Variants in TRIM34 observed in about 807,000 individuals in gnomAD.
TRIM34 encodes tripartite motif containing 34, also known as E3 ubiquitin-protein ligase TRIM34.
TRIM34 carries 41 observed loss-of-function variants against 38.1 expected under a neutral mutation model. The observed-to-expected ratio is 1.08, with a 90% CI of 0.84 to 1.40. TRIM34 has a LOEUF of 1.40. Among genes scored for constraint, TRIM34 ranks in the 40% most tolerant of loss-of-function variants. The pLI, the probability that TRIM34 is intolerant of heterozygous loss-of-function variation, is 0.00. For synonymous variants in TRIM34, 200 were observed against 202.5 expected (o/e 0.99, Z 0.10); for missense variants, 556 against 571.4 (o/e 0.97, Z 0.27).
At position 5,641,505 on chromosome 11, in the gene TRIM34, TG is replaced by T. The variant is rs573879964; in HGVS notation, c.773+318del. On this transcript the variant is annotated intron_variant, in intron 5 of 7. Coordinates refer to ENST00000429814, the MANE Select transcript of TRIM34 (RefSeq NM_021616.6). Reference sequence around the variant, plus strand: ...CATCCTCTGTCCCTGCATCCAGCCCTGGATCTTTTATTTTATATGTGTTTGT... The same window carrying T: ...CATCCTCTGTCCCTGCATCCAGCCCTGATCTTTTATTTTATATGTGTTTGT... 6.6e-5 allele frequency among the ~76,000 whole-genome samples: 10 copies of T among 152,320 alleles called. No individual in the cohort carries two copies. In the South Asian group the frequency reaches 2.1e-3, roughly 32 times the overall value.
At chr11:5,634,948 G>C (rs1025841655) in intron 4 of TRIM34, 87 bp downstream of exon 4, 57 of 1,450,692 alleles carry the variant, frequency 3.9e-5, no homozygotes, top group Non-Finnish European at 5.2e-5. Flanking sequence ...ACACTAAGGG[G>C]TTTCTTTGGC....
intron 7 of TRIM34, 119 bp from the exon 8 acceptor site, chr11:5,643,025 C>G: frequency 7.8e-7 from 1 of 1,287,826 alleles, no homozygotes; most frequent in Non-Finnish European, 1.0e-6. Flanking sequence ...AGTCACTTCC[C>G]AAGTTCGTTC....
chr11:5,636,957 T>C (rs143987469), intron 4 of TRIM34, among the ~76,000 whole-genome samples: 5,462 of 152,204 alleles, frequency 0.036, 194 homozygotes, highest in East Asian at 0.16. Flanking sequence ...TCATCCTGGC[T>C]AACACAGTGA....
intron 1 of TRIM34, among the ~76,000 whole-genome samples, chr11:5,629,111 T>C (rs1564882804): frequency 6.6e-6 from 1 of 152,156 alleles, no homozygotes; most frequent in Admixed American, 6.5e-5. Flanking sequence ...ACCCCGTCTC[T>C]ACTAAAAATC....
intron 1 of TRIM34, among the ~76,000 whole-genome samples, chr11:5,628,399 A>G (rs1849334150): frequency 6.6e-6 from 1 of 152,246 alleles, no homozygotes; most frequent in African/African-American, 2.4e-5. Context: ...ACTAGTCATC[A>G]GATCCTGGTC....
At chr11:5,636,701 T>TA in intron 4 of TRIM34, among the ~76,000 whole-genome samples, 1 of 152,300 alleles carries the variant, frequency 6.6e-6, no homozygotes, top group Non-Finnish European at 1.5e-5. Context: ...ACTTGGAATT[T>TA]AAAAAAATAT....
At position 5,633,573 on chromosome 11, in the gene TRIM34, G is replaced by C. The variant is rs112036487; in HGVS notation, c.424-231G>C. On this transcript the variant is annotated intron_variant, in intron 2 of 7. Coordinates refer to ENST00000429814, the MANE Select transcript of TRIM34 (RefSeq NM_021616.6). ...CTGCAGGGTAAATACTTACTCTAAG[G>C]AAAGACAGAATCAGGCTACTCCTTT... is the stretch of plus-strand genomic sequence containing the variant. Among the ~76,000 whole-genome samples, 777 of 152,272 alleles carry C rather than the reference G, an allele frequency of 5.1e-3. 7 individuals are homozygous for C. Among genetic ancestry groups the C allele is most frequent in the African/African-American group, 0.017 (721 of 41,558 alleles).
At chr11:5,641,402 G>A in intron 5 of TRIM34, 1 of 1,269,252 alleles carries the variant, frequency 7.9e-7, no homozygotes. Flanking sequence ...AGTGGTTGAA[G>A]TTCAGAGCTA....
At chr11:5,641,636 AG>A (rs1408515685) in intron 5 of TRIM34, among the ~76,000 whole-genome samples, 1 of 152,142 alleles carries the variant, frequency 6.6e-6, no homozygotes, top group Non-Finnish European at 1.5e-5. Context: ...TCATTATGCA[AG>A]GTTCTCTTTA....
chr11:5,643,244 T>C lies in TRIM34; in HGVS notation c.1002T>C (p.Tyr334=). The part of the protein sequence containing the change: ...ISVPIWPFQC[Y]NYGVLGSQYF... Reference sequence around the variant, plus strand: ...TGCCAATTTGGCCTTTTCAGTGTTATAATTATGGTGTCTTGGGATCCCAAT... The same window carrying C: ...TGCCAATTTGGCCTTTTCAGTGTTACAATTATGGTGTCTTGGGATCCCAAT... The change falls in exon 8 of 8, where the codon TAT becomes TAC. Residue 334 remains tyrosine, a synonymous_variant. Transcript: ENST00000429814. 1 of 1,614,030 alleles carries C rather than the reference T, an allele frequency of 6.2e-7. No individual in the cohort carries two copies. The highest frequency in any genetic ancestry group is 8.5e-7 in the Non-Finnish European group (1 of 1,180,000).
intron 4 of TRIM34, among the ~76,000 whole-genome samples, chr11:5,635,310 C>G (rs1021998068): frequency 2.1e-5 from 3 of 146,176 alleles, no homozygotes; most frequent in Non-Finnish European, 4.4e-5. Context: ...GGCTGGAGTG[C>G]AGTGGTGCGA....
At chr11:5,634,520 C>A in intron 3 of TRIM34, 111 bp from the exon 4 acceptor site, 2 of 636,304 alleles carry the variant, frequency 3.1e-6, no homozygotes, top group East Asian at 3.2e-5. Context: ...CACACACACA[C>A]ACACACACAC....
intron 4 of TRIM34, among the ~76,000 whole-genome samples, chr11:5,636,391 G>A (rs1849735500): frequency 6.6e-6 from 1 of 152,212 alleles, no homozygotes; most frequent in South Asian, 2.1e-4. Flanking sequence ...TTGCTAATTA[G>A]TGTACAATTT....
chr11:5,638,369 G>A (rs1406277795), intron 4 of TRIM34, among the ~76,000 whole-genome samples: 1 of 152,210 alleles, frequency 6.6e-6, no homozygotes, highest in Admixed American at 6.5e-5. Context: ...TGTGACTAAA[G>A]TAATACCTCT....
chr11:5,632,010 GA>G (rs1849502583), intron 1 of TRIM34, among the ~76,000 whole-genome samples: 1 of 152,132 alleles, frequency 6.6e-6, no homozygotes. Flanking sequence ...GGAGAAAGTT[GA>G]AAAAAGTATA....
At chr11:5,633,150 T>C (rs12221692) in intron 2 of TRIM34, among the ~76,000 whole-genome samples, 5,664 of 144,106 alleles carry the variant, frequency 0.039, 216 homozygotes, top group East Asian at 0.17. Context: ...TTCTTTCTTT[T>C]TTTTTTTTTT....
chr11:5,628,097 G>A (rs1849321319), intron 1 of TRIM34, among the ~76,000 whole-genome samples: 1 of 152,172 alleles, frequency 6.6e-6, no homozygotes, highest in Non-Finnish European at 1.5e-5. Flanking sequence ...AAGTGGTGGG[G>A]TCATTTCTCA....
intron 3 of TRIM34, 82 bp downstream of exon 3, chr11:5,633,981 T>C: frequency 6.8e-7 from 1 of 1,459,864 alleles, no homozygotes; most frequent in Non-Finnish European, 9.4e-7. Context: ...TTTTTATTCC[T>C]TGACATTGCA....
chr11:5,628,942 C>T (rs1246363287), intron 1 of TRIM34, among the ~76,000 whole-genome samples: 1 of 152,012 alleles, frequency 6.6e-6, no homozygotes, highest in African/African-American at 2.4e-5. Flanking sequence ...TGTCACATGG[C>T]TTTCTTTCCC....
Sources: gnomAD v4.1 joint callset for allele counts (sites outside exome capture counted in the v4.1 genomes callset) on GRCh38, gnomAD v4.1.1 for gene constraint, MANE v1.5 for transcripts, NCBI Gene and HGNC (gene_info 2026-07-23, HGNC 2026-07-21) for gene names.